Variants in BCR observed in about 807,000 individuals in gnomAD.
BCR encodes the protein BCR activator of RhoGEF and GTPase.
In BCR, 58 loss-of-function variants were observed where a neutral mutation model predicts 138.6. That is an observed-to-expected ratio of 0.42 (90% confidence interval 0.34 to 0.52). The LOEUF is 0.52. Among genes scored for constraint, BCR ranks in the 20% least tolerant of loss-of-function variants. BCR has a pLI of 0.06. For synonymous variants in BCR, 786 were observed against 730.1 expected (o/e 1.08, Z -1.23); for missense variants, 1,599 against 1,727.2 (o/e 0.93, Z 1.32).
At chr22:23,199,154 AT>A (rs1381368597) in intron 1 of BCR, 2 of 369,254 alleles carry the variant, frequency 5.4e-6, no homozygotes, top group Middle Eastern at 3.9e-4. Context: ...GCCCTAACAA[AT>A]GCAGGTTGTG....
At chr22:23,277,463 A>G (rs2073591222) in intron 8 of BCR, among the ~76,000 whole-genome samples, 1 of 152,176 alleles carries the variant, frequency 6.6e-6, no homozygotes, top group South Asian at 2.1e-4. Flanking sequence ...ACCTGGAGGT[A>G]GGAAAGAGGA....
chr22:23,288,225 C>A (rs566055663), intron 12 of BCR, 53 bp downstream of exon 12: 2 of 1,528,594 alleles, frequency 1.3e-6, no homozygotes, highest in Non-Finnish European at 9.1e-7. Context: ...TAGGGCCAGG[C>A]TGGCAGCTCC....
chr22:23,254,940 A>G (rs917195295), intron 2 of BCR, among the ~76,000 whole-genome samples: 4 of 152,146 alleles, frequency 2.6e-5, no homozygotes, highest in African/African-American at 9.7e-5. Context: ...AGGTGGGAGA[A>G]TTGCTTGAGT....
At chr22:23,292,964 A>G (rs919480117) in intron 15 of BCR, among the ~76,000 whole-genome samples, 5 of 151,984 alleles carry the variant, frequency 3.3e-5, no homozygotes, top group Non-Finnish European at 5.9e-5. Flanking sequence ...GTTTTTCCGC[A>G]GAAGTTGGAA....
At chr22:23,292,919 TTAG>T (rs2073804740) in intron 15 of BCR, among the ~76,000 whole-genome samples, 3 of 152,222 alleles carry the variant, frequency 2.0e-5, no homozygotes, top group Admixed American at 6.5e-5. Context: ...TCTGCCTTTG[TTAG>T]CGCTTATGTT....
intron 16 of BCR, among the ~76,000 whole-genome samples, chr22:23,300,835 G>T (rs1235744214): frequency 6.6e-6 from 1 of 152,168 alleles, no homozygotes; most frequent in Non-Finnish European, 1.5e-5. Context: ...CATCCCCGAG[G>T]CTCACATAAA....
chr22:23,268,639 T>G, intron 5 of BCR, 124 bp downstream of exon 5: 1 of 896,008 alleles, frequency 1.1e-6, no homozygotes, highest in Non-Finnish European at 1.8e-6. Flanking sequence ...TTCCAGATTC[T>G]GTTGGGTTCG....
intron 8 of BCR, among the ~76,000 whole-genome samples, chr22:23,276,868 GA>G (rs1272469265): frequency 2.6e-5 from 4 of 152,266 alleles, no homozygotes; most frequent in African/African-American, 9.6e-5. Flanking sequence ...CTGATTTGGG[GA>G]CACCCTTTTG....
At chr22:23,222,003 A>C (rs149147723) in intron 1 of BCR, among the ~76,000 whole-genome samples, 4,638 of 152,196 alleles carry the variant, frequency 0.03, 255 homozygotes, top group African/African-American at 0.11. Context: ...AGGCAGGAGA[A>C]TCACTTGAAC....
intron 15 of BCR, among the ~76,000 whole-genome samples, chr22:23,294,689 G>A (rs565271929): frequency 8.5e-5 from 13 of 152,182 alleles, no homozygotes; most frequent in Non-Finnish European, 1.9e-4. Context: ...GTGAGCCACC[G>A]TGCCCAGCCC....
At chr22:23,210,868 G>A (rs145045927) in intron 1 of BCR, among the ~76,000 whole-genome samples, 1 of 152,240 alleles carries the variant, frequency 6.6e-6, no homozygotes, top group African/African-American at 2.4e-5. Context: ...GGTCAGTACT[G>A]TTCTTCCCCT....
chr22:23,197,791 G>A (rs1226117737), intron 1 of BCR, among the ~76,000 whole-genome samples: 2 of 152,106 alleles, frequency 1.3e-5, no homozygotes, highest in African/African-American at 4.8e-5. Context: ...TGGGAGTCAG[G>A]TACCTGGAGC....
rs556121852 is a variant in BCR at position 23,290,758 on chromosome 22, A to G, written c.2782+345A>G. On this transcript the variant is annotated intron_variant, in intron 14 of 22. Transcript: ENST00000305877. ...TGGGGTCCAAGCCAGGAGGGCTGTCAGCAGTGCACCTTCACCCCACAGCAG... is the reference window on the plus strand; with the variant it reads ...TGGGGTCCAAGCCAGGAGGGCTGTCGGCAGTGCACCTTCACCCCACAGCAG... The G allele has an allele frequency of 4.9e-4, 158 of 322,868 alleles. 1 individual carries two copies. The highest frequency in any genetic ancestry group is 3.2e-3 in the Middle Eastern group (3 of 944). The allele number at this position is 322,868 out of a possible 1,614,324, so 20.0% of individuals were successfully genotyped here.
At chr22:23,246,102 G>T (rs2073154735) in intron 1 of BCR, among the ~76,000 whole-genome samples, 2 of 152,158 alleles carry the variant, frequency 1.3e-5, no homozygotes, top group African/African-American at 4.8e-5. Flanking sequence ...GTTCATCCGT[G>T]TTGTAGCATG....
chr22:23,264,029 C>T (rs779624476), intron 4 of BCR: 2 of 928,324 alleles, frequency 2.2e-6, no homozygotes, highest in Admixed American at 3.4e-5. Flanking sequence ...TATATGAGTC[C>T]CCTTTCGCAC....
chr22:23,284,543 G>A (rs554432878), intron 9 of BCR, among the ~76,000 whole-genome samples: 1 of 152,290 alleles, frequency 6.6e-6, no homozygotes, highest in Admixed American at 6.5e-5. Context: ...AGCAAAGAGG[G>A]CCACACTGGG....
intron 7 of BCR, 103 bp downstream of exon 7, chr22:23,273,236 A>C (rs1358031832): frequency 2.3e-6 from 3 of 1,305,394 alleles, no homozygotes; most frequent in Non-Finnish European, 3.2e-6. Context: ...GCTGCAGCCA[A>C]GGGGGTGCTA....
At chr22:23,239,024 A>G (rs2073058328) in intron 1 of BCR, among the ~76,000 whole-genome samples, 1 of 152,146 alleles carries the variant, frequency 6.6e-6, no homozygotes, top group African/African-American at 2.4e-5. Context: ...AGCAGGGTTC[A>G]TAGGCACCTT....
chr22:23,211,615 G>C (rs1406864643), intron 1 of BCR, among the ~76,000 whole-genome samples: 1 of 152,170 alleles, frequency 6.6e-6, no homozygotes, highest in Non-Finnish European at 1.5e-5. Flanking sequence ...CTCCCGAGCA[G>C]CTGGGATTAC....
Sources: allele counts gnomAD v4.1 joint callset (sites outside exome capture counted in the v4.1 genomes callset), GRCh38; gene constraint gnomAD v4.1.1; transcripts MANE v1.5; gene names NCBI Gene and HGNC (gene_info 2026-07-23, HGNC 2026-07-21).